ZC2HC1A: variants seen among roughly 807,000 people sequenced by gnomAD.
ZC2HC1A encodes the protein zinc finger C2HC domain-containing protein 1A.
In ZC2HC1A, 28 loss-of-function variants were observed where a neutral mutation model predicts 40.7. The observed-to-expected ratio is 0.69, with a 90% CI of 0.51 to 0.94. ZC2HC1A has a LOEUF of 0.94. Ranked by LOEUF, ZC2HC1A falls within the 40% of genes least tolerant of loss-of-function variation. ZC2HC1A has a pLI of 0.00. For synonymous variants in ZC2HC1A, 129 were observed against 129.2 expected, an observed-to-expected ratio of 1.00 and a Z score of 0.01; for missense variants, 389 against 386.3, an observed-to-expected ratio of 1.01 and a Z score of -0.06.
intron 7 of ZC2HC1A, among the ~76,000 whole-genome samples, chr8:78,700,163 C>G (rs1810554455): frequency 6.6e-6 from 1 of 152,152 alleles, no homozygotes; most frequent in South Asian, 2.1e-4. Flanking sequence ...GCCATTCTGA[C>G]TAGTGTGAGA....
intron 1 of ZC2HC1A, among the ~76,000 whole-genome samples, chr8:78,669,624 A>G (rs182451546): frequency 3.3e-5 from 5 of 152,326 alleles, no homozygotes; most frequent in Admixed American, 2.0e-4. Flanking sequence ...AGATTTGACA[A>G]TTAGTAAATA....
At chr8:78,680,806 A>T (rs1809751668) in intron 3 of ZC2HC1A, among the ~76,000 whole-genome samples, 1 of 152,218 alleles carries the variant, frequency 6.6e-6, no homozygotes, top group African/African-American at 2.4e-5. Flanking sequence ...TCCTCATCTT[A>T]AAAGTGATTC....
At chr8:78,705,387 A>C (rs533258003) in intron 7 of ZC2HC1A, among the ~76,000 whole-genome samples, 1 of 152,228 alleles carries the variant, frequency 6.6e-6, no homozygotes, top group South Asian at 2.1e-4. Context: ...TGGATTTTTC[A>C]GTAGCTGGAG....
At chr8:78,701,610 A>G (rs1265994809) in intron 7 of ZC2HC1A, among the ~76,000 whole-genome samples, 2 of 152,202 alleles carry the variant, frequency 1.3e-5, no homozygotes, top group Admixed American at 6.5e-5. Flanking sequence ...TTTCCCATTC[A>G]GTATGATGTT....
chr8:78,717,332 G>C lies in ZC2HC1A; in HGVS notation c.817G>C (p.Asp273His), dbSNP rs776890062. ...TYTESYIARP[D>H]GDCASSLNGG... ...ATTGTTTCTTTACTTTTTTAGGCCAGATGGGGACTGTGCATCTTCCCTTAA... is the reference window on the plus strand; with the variant it reads ...ATTGTTTCTTTACTTTTTTAGGCCACATGGGGACTGTGCATCTTCCCTTAA... The change falls in exon 9 of 9, where the codon GAT becomes CAT. Residue 273 changes from aspartate (D) to histidine (H), a missense_variant. Physicochemically the swap from Asp to His is moderately conservative, Grantham distance 81. Coordinates refer to ENST00000263849, the MANE Select transcript of ZC2HC1A (RefSeq NM_016010.3). The C allele has an allele frequency of 3.1e-6, 5 of 1,605,426 alleles. No homozygotes were observed. Among genetic ancestry groups the C allele is most frequent in the African/African-American group, 1.3e-5 (1 of 74,268 alleles).
chr8:78,707,355 C>T (rs567682013), intron 7 of ZC2HC1A, among the ~76,000 whole-genome samples: 2 of 152,254 alleles, frequency 1.3e-5, no homozygotes, highest in Admixed American at 1.3e-4. Flanking sequence ...GAGGCGCTGA[C>T]CTTGGAGTTA....
At chr8:78,704,387 CAA>C (rs1307275741) in intron 7 of ZC2HC1A, among the ~76,000 whole-genome samples, 46 of 65,242 alleles carry the variant, frequency 7.1e-4, no homozygotes, top group Non-Finnish European at 1.0e-3. Context: ...GACTCCATCT[CAA>C]AAAAAAAAAA....
At chr8:78,683,913 G>A (rs1809869829) in intron 3 of ZC2HC1A, among the ~76,000 whole-genome samples, 1 of 152,144 alleles carries the variant, frequency 6.6e-6, no homozygotes, top group African/African-American at 2.4e-5. Context: ...CAGTCTCTTT[G>A]CTAAAGCATA....
chr8:78,683,345 A>G (rs1809852168), intron 3 of ZC2HC1A, among the ~76,000 whole-genome samples: 1 of 152,220 alleles, frequency 6.6e-6, no homozygotes, highest in South Asian at 2.1e-4. Flanking sequence ...AGGTGTTTCC[A>G]TACATTCTCT....
At chr8:78,703,361 A>G (rs940399678) in intron 7 of ZC2HC1A, among the ~76,000 whole-genome samples, 4 of 152,120 alleles carry the variant, frequency 2.6e-5, no homozygotes, top group Non-Finnish European at 5.9e-5. Context: ...TCTGTCTAAT[A>G]TTGTCAGTGA....
chr8:78,702,096 G>C (rs1165464620), intron 7 of ZC2HC1A, among the ~76,000 whole-genome samples: 2 of 152,044 alleles, frequency 1.3e-5, no homozygotes, highest in African/African-American at 4.8e-5. Flanking sequence ...AATCCATCTG[G>C]TCCTGGGCTT....
At chr8:78,689,412 G>T in intron 5 of ZC2HC1A, 39 bp downstream of exon 5, 1 of 1,512,166 alleles carries the variant, frequency 6.6e-7, no homozygotes, top group Admixed American at 2.2e-5. Context: ...ACGAGAAAAT[G>T]GCTCATGGAC....
At chr8:78,674,363 TA>T (rs986006633) in intron 1 of ZC2HC1A, among the ~76,000 whole-genome samples, 1 of 152,172 alleles carries the variant, frequency 6.6e-6, no homozygotes, top group African/African-American at 2.4e-5. Flanking sequence ...GCTTAGTATT[TA>T]AAGGAATACG....
chr8:78,711,919 C>A (rs1810961223), intron 7 of ZC2HC1A: 2 of 970,176 alleles, frequency 2.1e-6, no homozygotes, highest in African/African-American at 1.7e-5. Flanking sequence ...AGAATAATGT[C>A]TTTTAAAAAA....
chr8:78,689,694 C>T (rs960577151), intron 5 of ZC2HC1A, among the ~76,000 whole-genome samples: 1 of 151,682 alleles, frequency 6.6e-6, no homozygotes, highest in African/African-American at 2.4e-5. Context: ...GAGTGAAAGA[C>T]CTTGTTACAT....
At chr8:78,687,351 TTTA>T (rs1277187332) in intron 4 of ZC2HC1A, among the ~76,000 whole-genome samples, 1 of 151,206 alleles carries the variant, frequency 6.6e-6, no homozygotes, top group South Asian at 2.1e-4. Context: ...TTTTTGACAT[TTTA>T]TTGTAGAGGA....
intron 1 of ZC2HC1A, among the ~76,000 whole-genome samples, chr8:78,670,696 GA>G (rs1207260890): frequency 6.6e-6 from 1 of 152,190 alleles, no homozygotes; most frequent in African/African-American, 2.4e-5. Flanking sequence ...GTAACTTAGA[GA>G]AAGGTAGGAG....
intron 3 of ZC2HC1A, among the ~76,000 whole-genome samples, chr8:78,680,248 C>A (rs572283885): frequency 2.6e-4 from 35 of 133,772 alleles, no homozygotes; most frequent in Non-Finnish European, 4.7e-4. Flanking sequence ...AAAGTACAGT[C>A]CGCAGTCCGG....
chr8:78,687,864 C>A (rs1435577082), intron 4 of ZC2HC1A, among the ~76,000 whole-genome samples: 62 of 32,358 alleles, frequency 1.9e-3, no homozygotes, highest in South Asian at 0.012. Context: ...TAATATATAT[C>A]TATATAATAA....
Sources: gnomAD v4.1 joint callset for allele counts (sites outside exome capture counted in the v4.1 genomes callset) on GRCh38, gnomAD v4.1.1 for gene constraint, MANE v1.5 for transcripts, NCBI Gene and HGNC (gene_info 2026-07-23, HGNC 2026-07-21) for gene names.